BCL2: variants seen among roughly 807,000 people sequenced by gnomAD.
BCL2 encodes the protein BCL2 apoptosis regulator, also known as apoptosis regulator Bcl-2.
BCL2 carries 1 observed loss-of-function variant against 14.2 expected under a neutral mutation model. The observed-to-expected ratio is 0.07, with a 90% CI of 0.02 to 0.33. The LOEUF is 0.33. BCL2 is among the 10% of genes least tolerant of loss of function. BCL2 has a pLI of 0.99. For missense variants in BCL2, 247 were observed against 305.9 expected (o/e 0.81, Z 1.44); for synonymous variants, 151 against 137.2 (o/e 1.10, Z -0.70).
chr18:63,175,010 T>C (rs1915321178), intron 2 of BCL2, among the ~76,000 whole-genome samples: 1 of 152,182 alleles, frequency 6.6e-6, no homozygotes, highest in African/African-American at 2.4e-5. Context: ...GGGGTATCTG[T>C]CTTGACATTG....
At chr18:63,292,995 G>A (rs1912694989) in intron 2 of BCL2, among the ~76,000 whole-genome samples, 1 of 152,216 alleles carries the variant, frequency 6.6e-6, no homozygotes, top group African/African-American at 2.4e-5. Flanking sequence ...ACTTTGGTTG[G>A]AGGGTGTGTC....
At chr18:63,262,736 G>A in intron 2 of BCL2, among the ~76,000 whole-genome samples, 1 of 152,178 alleles carries the variant, frequency 6.6e-6, no homozygotes, top group East Asian at 1.9e-4. Context: ...TAAAATTCCA[G>A]GCTAGGGGTC....
intron 2 of BCL2, among the ~76,000 whole-genome samples, chr18:63,198,750 C>CAA (rs1909556142): frequency 6.9e-6 from 1 of 145,242 alleles, no homozygotes; most frequent in Admixed American, 6.9e-5. Flanking sequence ...GGGACACACA[C>CAA]AGACACACAC....
At chr18:63,263,698 G>A (rs1295341038) in intron 2 of BCL2, among the ~76,000 whole-genome samples, 4 of 152,200 alleles carry the variant, frequency 2.6e-5, no homozygotes, top group African/African-American at 9.7e-5. Flanking sequence ...AGGTGATGGG[G>A]CTGGGAAACC....
intron 2 of BCL2, among the ~76,000 whole-genome samples, chr18:63,290,005 G>C (rs996117901): frequency 6.6e-6 from 1 of 152,190 alleles, no homozygotes; most frequent in African/African-American, 2.4e-5. Context: ...GAAGAGTTAA[G>C]AAGGTGGTGG....
At chr18:63,242,821 A>G (rs1911045777) in intron 2 of BCL2, among the ~76,000 whole-genome samples, 4 of 152,230 alleles carry the variant, frequency 2.6e-5, no homozygotes, top group Admixed American at 6.5e-5. Context: ...TCTTACTGCA[A>G]TCTGGGTTTG....
chr18:63,126,942 G>T lies in BCL2; in HGVS notation c.*1683C>A. On this transcript the variant is annotated 3_prime_UTR_variant, in exon 3 of 3. Coordinates refer to ENST00000333681, the MANE Select transcript of BCL2 (RefSeq NM_000633.3). ...AGAGTTATTCCATCAATGTTTCAAG[G>T]CTGATTCTAAACTGGAAGAAAAAAA... 1 of 226,238 alleles carries T rather than the reference G, an allele frequency of 4.4e-6. No homozygotes were observed. Among genetic ancestry groups the T allele is most frequent in the Non-Finnish European group, 8.8e-6 (1 of 113,488 alleles). 14.0% of individuals were successfully genotyped at this position (226,238 alleles called of 1,614,324 possible).
chr18:63,153,731 C>G (rs1306480169), intron 2 of BCL2, among the ~76,000 whole-genome samples: 1 of 152,192 alleles, frequency 6.6e-6, no homozygotes, highest in African/African-American at 2.4e-5. Flanking sequence ...ACAGCAAGAA[C>G]ATCGGACCTT....
At chr18:63,134,680 C>T (rs983415102) in intron 2 of BCL2, among the ~76,000 whole-genome samples, 1 of 152,148 alleles carries the variant, frequency 6.6e-6, no homozygotes, top group Non-Finnish European at 1.5e-5. Flanking sequence ...CCACCCTGTC[C>T]CCAAAGAGCT....
chr18:63,160,381 G>A (rs972505647), intron 2 of BCL2, among the ~76,000 whole-genome samples: 27 of 152,158 alleles, frequency 1.8e-4, no homozygotes, highest in Non-Finnish European at 1.3e-4. Context: ...AACTAAGACC[G>A]AGTGGGTTTC....
At chr18:63,240,656 G>A (rs1246136204) in intron 2 of BCL2, among the ~76,000 whole-genome samples, 2 of 152,234 alleles carry the variant, frequency 1.3e-5, no homozygotes, top group African/African-American at 4.8e-5. Context: ...AGTTATGGAA[G>A]CAATATCTTT....
At chr18:63,231,491 A>C (rs1042792210) in intron 2 of BCL2, among the ~76,000 whole-genome samples, 3 of 152,032 alleles carry the variant, frequency 2.0e-5, no homozygotes, top group African/African-American at 7.2e-5. Context: ...AAGAAATAAG[A>C]GGGTTTGGCA....
rs765122650 is a variant in BCL2, at chr18:63,123,584, G to A, written c.*5041C>T. On this transcript the variant is annotated 3_prime_UTR_variant, in exon 3 of 3. Transcript: ENST00000333681. Reference sequence around the variant, plus strand: ...AGTATCAATCTTAAAAAGAGCCATGGAAGGTAAAAGTATGAAAATCTTGAT... The same window carrying A: ...AGTATCAATCTTAAAAAGAGCCATGAAAGGTAAAAGTATGAAAATCTTGAT... The A allele has an allele frequency of 4.8e-6, 1 of 209,950 alleles. No individual in the cohort carries two copies. The highest frequency in any genetic ancestry group is 9.7e-6 in the Non-Finnish European group (1 of 103,368). 13.0% of individuals were successfully genotyped at this position (209,950 alleles called of 1,614,324 possible).
At chr18:63,206,807 C>G (rs575848494) in intron 2 of BCL2, among the ~76,000 whole-genome samples, 6 of 151,744 alleles carry the variant, frequency 4.0e-5, no homozygotes, top group African/African-American at 1.5e-4. Flanking sequence ...GGCAGGGGCA[C>G]GGCCTTGGGA....
chr18:63,179,916 C>A (rs958006640), intron 2 of BCL2, among the ~76,000 whole-genome samples: 2 of 152,208 alleles, frequency 1.3e-5, no homozygotes, highest in African/African-American at 4.8e-5. Context: ...TCCTTATTCT[C>A]TGATTGATCA....
At chr18:63,173,927 G>T (rs1347398968) in intron 2 of BCL2, among the ~76,000 whole-genome samples, 1 of 152,120 alleles carries the variant, frequency 6.6e-6, no homozygotes, top group Non-Finnish European at 1.5e-5. Context: ...AACATAATAA[G>T]AATTTCAGTA....
intron 2 of BCL2, among the ~76,000 whole-genome samples, chr18:63,238,802 C>G (rs543966532): frequency 6.6e-6 from 1 of 152,292 alleles, no homozygotes; most frequent in South Asian, 2.1e-4. Flanking sequence ...TCTTTGGGCT[C>G]AGGGAGCGGA....
At chr18:63,155,217 G>A (rs1318912300) in intron 2 of BCL2, among the ~76,000 whole-genome samples, 1 of 152,170 alleles carries the variant, frequency 6.6e-6, no homozygotes. Context: ...AGTGTCCTTT[G>A]TCCCCAATCA....
chr18:63,152,592 C>T (rs1444368354), intron 2 of BCL2, among the ~76,000 whole-genome samples: 1 of 152,088 alleles, frequency 6.6e-6, no homozygotes, highest in East Asian at 1.9e-4. Context: ...TGTACAAAGC[C>T]AAACAATCAA....
Sources: allele counts gnomAD v4.1 joint callset (sites outside exome capture counted in the v4.1 genomes callset), GRCh38; gene constraint gnomAD v4.1.1; transcripts MANE v1.5; gene names NCBI Gene and HGNC (gene_info 2026-07-23, HGNC 2026-07-21).